The following PTPRT variants were observed in gnomAD, a reference collection of about 807,000 sequenced individuals.
The protein encoded by PTPRT is protein tyrosine phosphatase receptor type T, also known as receptor-type tyrosine-protein phosphatase T.
In PTPRT, 56 loss-of-function variants were observed where a neutral mutation model predicts 176.8. The observed-to-expected ratio is 0.32, with a 90% CI of 0.26 to 0.40. PTPRT has a LOEUF of 0.40. Ranked by LOEUF, PTPRT falls within the 10% of genes least tolerant of loss-of-function variation. The pLI is 1.00. For synonymous variants in PTPRT, 783 were observed against 739.0 expected (o/e 1.06, Z -0.96); for missense variants, 1,540 against 1,908.2 (o/e 0.81, Z 3.60).
chr20:42,933,379 T>C (rs577424983), intron 1 of PTPRT, among the ~76,000 whole-genome samples: 3 of 152,176 alleles, frequency 2.0e-5, no homozygotes, highest in Admixed American at 1.3e-4. Flanking sequence ...CTTCACTGTA[T>C]TGCAATTTTT....
rs141783207 is a variant in PTPRT at position 42,716,095 on chromosome 20, G to A, written c.860-37936C>T. ...TTCCACTCTTGGTGGCTGCTCCCAC[G>A]GTTCTGGGTCTCAGAATGAAAAAAG... On this transcript the variant is annotated intron_variant, in intron 6 of 30. Transcript: ENST00000373187. Among the ~76,000 whole-genome samples the A allele has an allele frequency of 2.2e-3, 335 of 152,208 alleles. 1 individual carries two copies. The highest frequency in any genetic ancestry group is 7.6e-3 in the African/African-American group (317 of 41,530).
intron 6 of PTPRT, among the ~76,000 whole-genome samples, chr20:42,743,673 G>A (rs1208905233): frequency 6.6e-6 from 1 of 152,178 alleles, no homozygotes; most frequent in Non-Finnish European, 1.5e-5. Flanking sequence ...TGTCCGCTAA[G>A]CACGGCTTCT....
intron 7 of PTPRT, among the ~76,000 whole-genome samples, chr20:42,574,715 G>A (rs940873692): frequency 6.6e-6 from 1 of 152,126 alleles, no homozygotes; most frequent in African/African-American, 2.4e-5. Flanking sequence ...ATATGGTTTG[G>A]CTCTGTGTCC....
At chr20:43,083,790 A>G (rs2011531335) in intron 1 of PTPRT, among the ~76,000 whole-genome samples, 1 of 152,094 alleles carries the variant, frequency 6.6e-6, no homozygotes, top group South Asian at 2.1e-4. Flanking sequence ...ATCCCTGTTC[A>G]CAGCCATCCC....
chr20:42,078,475 T>C lies in PTPRT; in HGVS notation c.*2404A>G, dbSNP rs1303757065. Reference sequence around the variant, plus strand: ...ACAAAACAATGAGCAGACAGACAAATAGATGTGATATTAAAAAGTGCACGC... The same window carrying C: ...ACAAAACAATGAGCAGACAGACAAACAGATGTGATATTAAAAAGTGCACGC... On this transcript the variant is annotated 3_prime_UTR_variant, in exon 31 of 31. Coordinates refer to ENST00000373187, the MANE Select transcript of PTPRT (RefSeq NM_007050.6). The C allele has an allele frequency of 4.8e-6, 1 of 206,486 alleles. No individual in the cohort carries two copies. Among genetic ancestry groups the C allele is most frequent in the Non-Finnish European group, 9.9e-6 (1 of 100,990 alleles). 12.8% of individuals were successfully genotyped at this position (206,486 alleles called of 1,614,324 possible).
At chr20:42,767,767 A>G (rs979014285) in intron 5 of PTPRT, among the ~76,000 whole-genome samples, 3 of 146,316 alleles carry the variant, frequency 2.1e-5, no homozygotes, top group African/African-American at 7.4e-5. Context: ...TTATATATTT[A>G]TATATACATA....
the PTPRT span, chr20:42,063,651 C>A: frequency 1.3e-5 from 2 of 152,242 alleles, no homozygotes; most frequent in Admixed American, 1.3e-4. Flanking sequence ...TATTCTTAAT[C>A]AGGTAAAGCA....
At position 42,075,191 on chromosome 20, in the gene PTPRT, T is replaced by C. The variant is rs1982651793; in HGVS notation, c.*5688A>G. On this transcript the variant is annotated 3_prime_UTR_variant, in exon 31 of 31. Transcript: ENST00000373187. ...TCTCAGCTTGTCTCTTCTAGTTGGATTTACTTTTCCTATTTCCTTGTTTTA... is the reference window on the plus strand; with the variant it reads ...TCTCAGCTTGTCTCTTCTAGTTGGACTTACTTTTCCTATTTCCTTGTTTTA... 1.5e-5 allele frequency: 4 copies of C among 263,270 alleles called. No homozygotes were observed. Among genetic ancestry groups the C allele is most frequent in the Middle Eastern group, 2.1e-3 (2 of 948 alleles). 16.3% of individuals were successfully genotyped at this position (263,270 alleles called of 1,614,324 possible).
chr20:42,655,334 T>C (rs1464460597), intron 7 of PTPRT, among the ~76,000 whole-genome samples: 2 of 151,970 alleles, frequency 1.3e-5, no homozygotes, highest in Admixed American at 1.3e-4. Flanking sequence ...CTATTAAAAA[T>C]ACAAAAACTG....
chr20:42,997,875 G>C (rs1293644680), intron 1 of PTPRT, among the ~76,000 whole-genome samples: 2 of 152,088 alleles, frequency 1.3e-5, no homozygotes, highest in Non-Finnish European at 2.9e-5. Flanking sequence ...GGATCAGGAA[G>C]GTAGGCAAAT....
At chr20:42,178,157 C>T (rs185064651) in intron 16 of PTPRT, among the ~76,000 whole-genome samples, 44 of 152,188 alleles carry the variant, frequency 2.9e-4, no homozygotes, top group African/African-American at 9.9e-4. Flanking sequence ...AGGCTGTTCT[C>T]GAACTCCTGA....
intron 1 of PTPRT, among the ~76,000 whole-genome samples, chr20:42,911,972 TTTTC>T (rs1291121528): frequency 1.1e-5 from 1 of 94,688 alleles, no homozygotes; most frequent in African/African-American, 3.5e-5. Context: ...CCAAATCCTC[TTTTC>T]TTTTTTTTTT....
At chr20:42,733,785 G>T (rs2076496813) in intron 6 of PTPRT, among the ~76,000 whole-genome samples, 1 of 152,232 alleles carries the variant, frequency 6.6e-6, no homozygotes, top group South Asian at 2.1e-4. Flanking sequence ...AGCATTCCAT[G>T]GTTTGCACAT....
At chr20:42,084,109 A>G (rs566382689) in intron 29 of PTPRT, among the ~76,000 whole-genome samples, 4 of 152,384 alleles carry the variant, frequency 2.6e-5, no homozygotes, top group Admixed American at 6.5e-5. Context: ...ACTCAGGCTT[A>G]TAAAATTCAG....
At chr20:42,235,251 TTTA>T (rs34004795) in intron 15 of PTPRT, among the ~76,000 whole-genome samples, 57 of 150,236 alleles carry the variant, frequency 3.8e-4, no homozygotes, top group Admixed American at 5.9e-4. Context: ...GTTGTTGTTA[TTTA>T]TTATTATTAT....
chr20:42,725,201 A>G (rs1292404099), intron 6 of PTPRT, among the ~76,000 whole-genome samples: 1 of 151,656 alleles, frequency 6.6e-6, no homozygotes, highest in African/African-American at 2.4e-5. Flanking sequence ...CTAATTTTGT[A>G]TTTTTAGTAG....
At chr20:42,820,454 C>T (rs1450861844) in intron 2 of PTPRT, among the ~76,000 whole-genome samples, 1 of 152,124 alleles carries the variant, frequency 6.6e-6, no homozygotes, top group Non-Finnish European at 1.5e-5. Context: ...TAAATGCCCA[C>T]ATCAGAATGC....
intron 14 of PTPRT, among the ~76,000 whole-genome samples, chr20:42,237,985 C>T (rs961512118): frequency 2.0e-5 from 3 of 152,234 alleles, no homozygotes; most frequent in East Asian, 1.9e-4. Flanking sequence ...TCTTCACAGC[C>T]CCAAATTTTC....
At chr20:42,817,172 A>G (rs948954248) in intron 2 of PTPRT, among the ~76,000 whole-genome samples, 1 of 152,214 alleles carries the variant, frequency 6.6e-6, no homozygotes, top group Non-Finnish European at 1.5e-5. Flanking sequence ...AGTAGACAAC[A>G]TATTAAGTTA....
Sources: gnomAD v4.1 joint callset for allele counts (sites outside exome capture counted in the v4.1 genomes callset) on GRCh38, gnomAD v4.1.1 for gene constraint, MANE v1.5 for transcripts, NCBI Gene and HGNC (gene_info 2026-07-23, HGNC 2026-07-21) for gene names.